Variants in NR1H4 observed in about 807,000 individuals in gnomAD.
NR1H4 encodes bile acid receptor.
NR1H4 carries 23 observed loss-of-function variants against 58.5 expected under a neutral mutation model. The observed-to-expected ratio is 0.39, with a 90% CI of 0.28 to 0.56. The LOEUF is 0.56. Ranked by LOEUF, NR1H4 falls within the 20% of genes least tolerant of loss-of-function variation. NR1H4 has a pLI of 0.58. For synonymous variants in NR1H4, 214 were observed against 198.0 expected, an observed-to-expected ratio of 1.08 and a Z score of -0.68; for missense variants, 487 against 576.9, an observed-to-expected ratio of 0.84 and a Z score of 1.60.
At chr12:100,512,210 A>G (rs1254405354) in intron 4 of NR1H4, among the ~76,000 whole-genome samples, 1 of 151,154 alleles carries the variant, frequency 6.6e-6, no homozygotes, top group African/African-American at 2.4e-5. Flanking sequence ...TCCAGACTGA[A>G]TGACAGAGAG....
chr12:100,532,302 G>T (rs1275476245), intron 4 of NR1H4, among the ~76,000 whole-genome samples, 156 bp from the exon 5 acceptor site: 2 of 152,232 alleles, frequency 1.3e-5, no homozygotes, highest in African/African-American at 4.8e-5. Flanking sequence ...ACAACACAAT[G>T]TCACATAAAG....
chr12:100,527,736 AAC>A (rs1274547517), intron 4 of NR1H4, among the ~76,000 whole-genome samples: 1 of 152,184 alleles, frequency 6.6e-6, no homozygotes, highest in East Asian at 1.9e-4. Context: ...TATGAGTGAG[AAC>A]ATATGGTGTT....
intron 9 of NR1H4, among the ~76,000 whole-genome samples, chr12:100,556,467 C>CAAAAAAAAAAA (rs781520049): frequency 4.6e-5 from 4 of 87,492 alleles, no homozygotes; most frequent in Non-Finnish European, 1.2e-4. Context: ...AACTCCGTCT[C>CAAAAAAAAAAA]AAAGAAAAAA....
intron 9 of NR1H4, 68 bp from the exon 10 acceptor site, chr12:100,561,817 A>C: frequency 1.3e-6 from 1 of 762,234 alleles, no homozygotes; most frequent in Non-Finnish European, 2.4e-6. Flanking sequence ...TATATGTATA[A>C]TGTGTTTCTA....
At chr12:100,512,432 G>A (rs1006135554) in intron 4 of NR1H4, among the ~76,000 whole-genome samples, 2 of 152,106 alleles carry the variant, frequency 1.3e-5, no homozygotes, top group African/African-American at 2.4e-5. Flanking sequence ...ATGAGGTCAG[G>A]AGAATGAGAC....
At chr12:100,522,933 C>G (rs1479703918) in intron 4 of NR1H4, among the ~76,000 whole-genome samples, 2 of 152,176 alleles carry the variant, frequency 1.3e-5, no homozygotes, top group East Asian at 3.8e-4. Context: ...ATATATACCA[C>G]AGTTTCTTTA....
rs1954340113 is a variant in NR1H4, at chr12:100,518,967, T to C, written c.445+7824T>C. ...CATGCCCAGCTAATTTTTGTATTTT[T>C]AGTAGAGACGGGGTTTCACCATGTT... On this transcript the variant is annotated intron_variant, in intron 4 of 10. Coordinates refer to ENST00000392986, the MANE Select transcript of NR1H4 (RefSeq NM_001206979.2). Among the ~76,000 whole-genome samples, 4 of 152,066 alleles carry C rather than the reference T, an allele frequency of 2.6e-5. No homozygotes were observed. The South Asian group carries it at 6.3e-4, about 24-fold the overall frequency.
At chr12:100,491,639 G>T (rs576080159) in intron 1 of NR1H4, among the ~76,000 whole-genome samples, 1 of 151,740 alleles carries the variant, frequency 6.6e-6, no homozygotes, top group South Asian at 2.1e-4. Context: ...CTCCCACCAA[G>T]CCGCTTATAT....
chr12:100,493,628 G>A (rs1953650737), intron 3 of NR1H4, among the ~76,000 whole-genome samples: 1 of 152,212 alleles, frequency 6.6e-6, no homozygotes, highest in Admixed American at 6.5e-5. Context: ...CAAAAGCTTT[G>A]TGAATTGCTC....
intron 9 of NR1H4, among the ~76,000 whole-genome samples, chr12:100,561,406 T>A (rs909144497): frequency 5.4e-5 from 8 of 147,252 alleles, no homozygotes; most frequent in East Asian, 1.9e-4. Flanking sequence ...TCAAAAAAAA[T>A]AAAATAAATA....
At chr12:100,541,201 T>A (rs1215628789) in intron 9 of NR1H4, among the ~76,000 whole-genome samples, 1 of 152,182 alleles carries the variant, frequency 6.6e-6, no homozygotes, top group Non-Finnish European at 1.5e-5. Flanking sequence ...TATATCTGTA[T>A]CAAAATAAAA....
chr12:100,553,990 C>T (rs897592301), intron 9 of NR1H4, among the ~76,000 whole-genome samples: 1 of 152,194 alleles, frequency 6.6e-6, no homozygotes, highest in African/African-American at 2.4e-5. Context: ...AGTGGCTGGA[C>T]CTTGGGCTGG....
Position 100,535,000 on chromosome 12 carries a change from A to G in NR1H4, c.709A>G (p.Thr237Ala). 1 of 1,614,218 alleles carries G rather than the reference A, an allele frequency of 6.2e-7. No individual in the cohort carries two copies. Among genetic ancestry groups the G allele is most frequent in the Non-Finnish European group, 8.5e-7 (1 of 1,180,032 alleles). The change falls in exon 6 of 11, where the codon ACC (threonine) becomes GCC (alanine). Residue 237 changes from threonine to alanine, a missense_variant. By Grantham distance (58) the Thr-to-Ala change is moderately conservative (BLOSUM62 0). Coordinates refer to ENST00000392986, the MANE Select transcript of NR1H4 (RefSeq NM_001206979.2). ...DSEGRDLRQV[T>A]STTKSCREKT... ...TGAAGGTCGTGACTTGCGACAAGTG[A>G]CCTCGACAACAAAGTCATGCAGGGT...
At chr12:100,474,847 C>T (rs949523026) in intron 1 of NR1H4, among the ~76,000 whole-genome samples, 3 of 152,138 alleles carry the variant, frequency 2.0e-5, no homozygotes, top group African/African-American at 7.2e-5. Context: ...CTAAGAAACT[C>T]ACACCTGAGC....
At chr12:100,534,726 C>T (rs1463543537) in intron 5 of NR1H4, among the ~76,000 whole-genome samples, 164 bp from the exon 6 acceptor site, 1 of 152,162 alleles carries the variant, frequency 6.6e-6, no homozygotes, top group Non-Finnish European at 1.5e-5. Flanking sequence ...AAGGTTAAGT[C>T]TCAAACCTTG....
chr12:100,525,610 T>A (rs1954535267), intron 4 of NR1H4, among the ~76,000 whole-genome samples: 1 of 152,066 alleles, frequency 6.6e-6, no homozygotes, highest in Non-Finnish European at 1.5e-5. Flanking sequence ...TCTTACAAAG[T>A]CTTTGTATAG....
intron 9 of NR1H4, among the ~76,000 whole-genome samples, chr12:100,553,200 G>T (rs528175190): frequency 9.2e-5 from 14 of 152,222 alleles, no homozygotes; most frequent in African/African-American, 3.4e-4. Context: ...GGGTTTCACC[G>T]TGTTAGCCAG....
intron 9 of NR1H4, among the ~76,000 whole-genome samples, chr12:100,558,036 T>C (rs546310186): frequency 1.1e-4 from 16 of 152,246 alleles, no homozygotes; most frequent in African/African-American, 3.4e-4. Context: ...CTAAGAAGTC[T>C]GTTTTTTTTG....
At chr12:100,505,535 T>C in intron 3 of NR1H4, 1 of 697,194 alleles carries the variant, frequency 1.4e-6, no homozygotes, top group Non-Finnish European at 2.6e-6. Context: ...TGTTGAAACC[T>C]GGAGACTGTC....
Sources: gnomAD v4.1 joint callset for allele counts (sites outside exome capture counted in the v4.1 genomes callset) on GRCh38, gnomAD v4.1.1 for gene constraint, MANE v1.5 for transcripts, NCBI Gene and HGNC (gene_info 2026-07-23, HGNC 2026-07-21) for gene names.